PDE1C: variants seen among roughly 807,000 people sequenced by gnomAD.
PDE1C encodes dual specificity calcium/calmodulin-dependent 3',5'-cyclic nucleotide phosphodiesterase 1C.
PDE1C carries 62 observed loss-of-function variants against 93.1 expected under a neutral mutation model. The observed-to-expected ratio is 0.67, with a 90% CI of 0.54 to 0.82. The LOEUF (loss-of-function observed/expected upper bound fraction) is 0.82, where lower values mean the gene tolerates loss of function less well. Ranked by LOEUF, PDE1C falls within the 40% of genes least tolerant of loss-of-function variation. The pLI is 0.00. For missense variants in PDE1C, 742 were observed against 884.6 expected (o/e 0.84, Z 2.04); for synonymous variants, 325 against 310.1 (o/e 1.05, Z -0.50).
At chr7:32,034,751 T>C (rs1002466319) in intron 2 of PDE1C, among the ~76,000 whole-genome samples, 2 of 152,142 alleles carry the variant, frequency 1.3e-5, no homozygotes, top group Admixed American at 6.6e-5. Flanking sequence ...GTTAAGAGAT[T>C]GGGGCCAAAA....
At chr7:32,374,744 A>G (rs1034313013) in intron 1 of PDE1C, among the ~76,000 whole-genome samples, 1 of 152,242 alleles carries the variant, frequency 6.6e-6, no homozygotes, top group South Asian at 2.1e-4. Flanking sequence ...GTGCTTTGCT[A>G]TGCAGCAATA....
intron 3 of PDE1C, among the ~76,000 whole-genome samples, chr7:32,124,818 A>C (rs762423029): frequency 2.6e-5 from 4 of 152,204 alleles, no homozygotes; most frequent in Admixed American, 6.5e-5. Flanking sequence ...ATGGGCAAAG[A>C]TTTCATGATG....
chr7:31,965,387 G>C (rs1170337248), intron 2 of PDE1C, among the ~76,000 whole-genome samples: 2 of 152,210 alleles, frequency 1.3e-5, no homozygotes, highest in Non-Finnish European at 1.5e-5. Context: ...ATGAAATGTA[G>C]TGAGAAGAGA....
At chr7:31,661,104 T>A in the PDE1C span, among the ~76,000 whole-genome samples, 1 of 6,594 alleles carries the variant, frequency 1.5e-4, no homozygotes, top group African/African-American at 6.2e-4. Context: ...AATTACAAAT[T>A]CAGTACCACA....
chr7:32,082,556 G>A (rs1050629661), intron 3 of PDE1C, among the ~76,000 whole-genome samples: 4 of 152,188 alleles, frequency 2.6e-5, no homozygotes, highest in Non-Finnish European at 5.9e-5. Flanking sequence ...TCCTCAAGTG[G>A]GTCCCTGACC....
chr7:32,402,033 C>G (rs1032571652), intron 1 of PDE1C, among the ~76,000 whole-genome samples: 4 of 152,080 alleles, frequency 2.6e-5, no homozygotes, highest in African/African-American at 9.7e-5. Flanking sequence ...ATCTATTTAT[C>G]CTCATATCTG....
chr7:31,901,728 T>G (rs1245650415), intron 2 of PDE1C, among the ~76,000 whole-genome samples: 1 of 151,398 alleles, frequency 6.6e-6, no homozygotes, highest in African/African-American at 2.4e-5. Flanking sequence ...AATATAAATT[T>G]TAAAAATAAA....
intron 7 of PDE1C, among the ~76,000 whole-genome samples, chr7:31,852,812 G>C (rs1237912739): frequency 6.6e-6 from 1 of 151,722 alleles, no homozygotes; most frequent in East Asian, 1.9e-4. Context: ...AATTTATATT[G>C]CACATTTTTC....
At chr7:32,255,167 G>A (rs997362077) in intron 1 of PDE1C, among the ~76,000 whole-genome samples, 3 of 152,124 alleles carry the variant, frequency 2.0e-5, no homozygotes, top group African/African-American at 4.8e-5. Flanking sequence ...GGTGGCTGAC[G>A]TCACTTTGCA....
In PDE1C at chr7:32,089,225, G is replaced by A. The variant is rs146001509; in HGVS notation, c.308+80560C>T. On this transcript the variant is annotated intron_variant, in intron 3 of 18. Transcript: ENST00000396193. ...ACTATTTATTTTTGGTATGTTGTAT[G>A]TACTATTTTTTTTACAAGCATGATA... 6.3e-4 allele frequency among the ~76,000 whole-genome samples: 96 copies of A among 152,274 alleles called. 1 individual carries two copies. Among genetic ancestry groups the A allele is most frequent in the Admixed American group, 1.9e-3 (29 of 15,296 alleles).
At chr7:32,229,148 G>A (rs185854144) in intron 1 of PDE1C, among the ~76,000 whole-genome samples, 5 of 152,194 alleles carry the variant, frequency 3.3e-5, no homozygotes, top group Admixed American at 3.3e-4. Flanking sequence ...TCACATTTCA[G>A]AGCAACTTCT....
intron 3 of PDE1C, among the ~76,000 whole-genome samples, chr7:32,169,356 A>G (rs1243642057): frequency 1.3e-5 from 2 of 152,224 alleles, no homozygotes; most frequent in African/African-American, 4.8e-5. Flanking sequence ...CGTCAGCAGC[A>G]GCTCTTACAT....
At chr7:32,073,488 T>G (rs1364537656), upstream of PDE1C, among the ~76,000 whole-genome samples, 3 of 152,106 alleles carry the variant, frequency 2.0e-5, no homozygotes, top group Admixed American at 6.6e-5. Flanking sequence ...GTGGCTCCAG[T>G]TGAATGGGGA....
At chr7:32,197,892 C>T (rs1288939288) in intron 2 of PDE1C, among the ~76,000 whole-genome samples, 7 of 152,118 alleles carry the variant, frequency 4.6e-5, no homozygotes, top group Non-Finnish European at 8.8e-5. Context: ...GATGGTGGCA[C>T]AACTCCATAA....
chr7:32,101,881 A>G (rs1465552253), intron 3 of PDE1C, among the ~76,000 whole-genome samples: 1 of 152,146 alleles, frequency 6.6e-6, no homozygotes, highest in Non-Finnish European at 1.5e-5. Flanking sequence ...GAAAGTTACA[A>G]TCATGATGGA....
chr7:32,365,520 C>T (rs528956178), intron 1 of PDE1C, among the ~76,000 whole-genome samples: 4 of 152,306 alleles, frequency 2.6e-5, no homozygotes, highest in South Asian at 2.1e-4. Flanking sequence ...AGAAGATATG[C>T]AACCATATCC....
At chr7:32,204,811 G>A (rs182016329) in intron 2 of PDE1C, among the ~76,000 whole-genome samples, 15 of 152,218 alleles carry the variant, frequency 9.9e-5, no homozygotes, top group South Asian at 2.1e-4. Flanking sequence ...TGGCTGAAGC[G>A]TCCCCGTTCT....
At position 32,193,546 on chromosome 7, in the gene PDE1C, A is replaced by C. The variant is rs185836961; in HGVS notation, c.136+15943T>G. Among the ~76,000 whole-genome samples, 438 of 152,212 alleles carry C rather than the reference A, an allele frequency of 2.9e-3. 1 individual carries two copies. Among genetic ancestry groups the C allele is most frequent in the African/African-American group, 9.8e-3 (408 of 41,544 alleles). ...TTTGTTTTATATATTATTGAATTCT[A>C]TTTGTGAAAATTTTGTTAAAGATTT... is the stretch of plus-strand genomic sequence containing the variant. On this transcript the variant is annotated intron_variant, in intron 2 of 18. Coordinates refer to the PDE1C transcript ENST00000396193.
intron 3 of PDE1C, among the ~76,000 whole-genome samples, chr7:32,130,602 C>T (rs1799859670): frequency 6.6e-6 from 1 of 152,064 alleles, no homozygotes; most frequent in South Asian, 2.1e-4. Flanking sequence ...TCTCCACAGT[C>T]CTTCACTTCC....
Sources: allele counts gnomAD v4.1 joint callset (sites outside exome capture counted in the v4.1 genomes callset), GRCh38; gene constraint gnomAD v4.1.1; transcripts MANE v1.5; gene names NCBI Gene and HGNC (gene_info 2026-07-23, HGNC 2026-07-21).